RSU1: variants seen among roughly 807,000 people sequenced by gnomAD.
The protein encoded by RSU1 is Ras suppressor protein 1.
In RSU1, 26 loss-of-function variants were observed where a neutral mutation model predicts 31.1. That is an observed-to-expected ratio of 0.84 (90% CI 0.61 to 1.16). The LOEUF (loss-of-function observed/expected upper bound fraction) is 1.16. RSU1 is among the 50% of genes most tolerant of loss of function. RSU1 has a pLI of 0.00. For missense variants in RSU1, 320 were observed against 339.1 expected, an observed-to-expected ratio of 0.94 and a Z score of 0.44; for synonymous variants, 164 against 136.3, an observed-to-expected ratio of 1.20 and a Z score of -1.41.
At chr10:16,732,934 G>C (rs1412901244) in intron 7 of RSU1, among the ~76,000 whole-genome samples, 2 of 152,136 alleles carry the variant, frequency 1.3e-5, no homozygotes, top group Non-Finnish European at 2.9e-5. Context: ...AGCATGGATG[G>C]AGTTTGATAA....
At chr10:16,790,413 C>T (rs1044824125) in intron 2 of RSU1, among the ~76,000 whole-genome samples, 4 of 152,134 alleles carry the variant, frequency 2.6e-5, no homozygotes, top group Middle Eastern at 3.2e-3. Flanking sequence ...CCACCTAACA[C>T]GCTAGGTATA....
At chr10:16,733,631 G>C (rs184541583) in intron 7 of RSU1, among the ~76,000 whole-genome samples, 3 of 152,088 alleles carry the variant, frequency 2.0e-5, no homozygotes, top group Admixed American at 2.0e-4. Flanking sequence ...AATAAATTAG[G>C]GTTCAAAGAA....
chr10:16,802,228 A>C (rs1430332035), intron 2 of RSU1, among the ~76,000 whole-genome samples: 1 of 151,960 alleles, frequency 6.6e-6, no homozygotes, highest in Non-Finnish European at 1.5e-5. Context: ...TACAAACAGA[A>C]ATGAAAGAAG....
intron 8 of RSU1, among the ~76,000 whole-genome samples, chr10:16,604,306 A>T (rs1348324154): frequency 6.6e-6 from 1 of 152,206 alleles, no homozygotes; most frequent in Non-Finnish European, 1.5e-5. Context: ...CCTCGACTAT[A>T]AGCAGACCAG....
At chr10:16,629,233 A>G (rs888102818) in intron 8 of RSU1, among the ~76,000 whole-genome samples, 3 of 152,126 alleles carry the variant, frequency 2.0e-5, no homozygotes, top group African/African-American at 7.2e-5. Context: ...ATTTCTGACA[A>G]GTTACCAGGT....
intron 7 of RSU1, among the ~76,000 whole-genome samples, chr10:16,733,791 A>T (rs997766400): frequency 3.3e-5 from 5 of 152,236 alleles, no homozygotes; most frequent in African/African-American, 4.8e-5. Context: ...GAACAAGCTG[A>T]ATCTTTTGGT....
At chr10:16,693,913 G>C (rs963295480) in intron 8 of RSU1, among the ~76,000 whole-genome samples, 5 of 152,018 alleles carry the variant, frequency 3.3e-5, no homozygotes, top group Admixed American at 6.6e-5. Flanking sequence ...GTTGATGTCA[G>C]ACACAAAAAC....
chr10:16,705,571 C>T (rs1462306987), intron 7 of RSU1, among the ~76,000 whole-genome samples: 1 of 152,140 alleles, frequency 6.6e-6, no homozygotes. Context: ...CTCACTGCAA[C>T]ATCTGCTTCC....
intron 7 of RSU1, among the ~76,000 whole-genome samples, chr10:16,733,714 G>A (rs114031420): frequency 1.4e-3 from 218 of 152,220 alleles, no homozygotes; most frequent in African/African-American, 4.5e-3. Context: ...AGTAAAAAAC[G>A]TATATATACT....
At chr10:16,741,925 T>A (rs977959662) in intron 7 of RSU1, among the ~76,000 whole-genome samples, 2 of 152,150 alleles carry the variant, frequency 1.3e-5, no homozygotes, top group African/African-American at 4.8e-5. Flanking sequence ...ATTTTCTTCA[T>A]GAAGGTAAGG....
At chr10:16,727,600 T>C (rs1271176554) in intron 7 of RSU1, among the ~76,000 whole-genome samples, 5 of 152,110 alleles carry the variant, frequency 3.3e-5, no homozygotes, top group African/African-American at 1.2e-4. Flanking sequence ...TCTGGGAAAC[T>C]CTTAGGGAGA....
chr10:16,634,599 TTC>T (rs1323269006), intron 8 of RSU1, among the ~76,000 whole-genome samples: 1 of 152,252 alleles, frequency 6.6e-6, no homozygotes, highest in East Asian at 1.9e-4. Flanking sequence ...TCTAGATTTT[TTC>T]TTACTGTGTC....
intron 7 of RSU1, among the ~76,000 whole-genome samples, chr10:16,725,308 T>G (rs772489385): frequency 6.6e-6 from 1 of 152,018 alleles, no homozygotes; most frequent in Non-Finnish European, 1.5e-5. Context: ...AGTATCACAT[T>G]AAGGAAATTC....
chr10:16,812,133 G>A (rs1011762808), intron 2 of RSU1, among the ~76,000 whole-genome samples: 2 of 152,232 alleles, frequency 1.3e-5, no homozygotes, highest in African/African-American at 4.8e-5. Flanking sequence ...ACACAACCTA[G>A]AGGAGTGAAA....
intron 7 of RSU1, among the ~76,000 whole-genome samples, chr10:16,740,595 CAAT>C (rs1333440532): frequency 6.6e-6 from 1 of 152,124 alleles, no homozygotes; most frequent in African/African-American, 2.4e-5. Flanking sequence ...CACTAAAAAA[CAAT>C]GAGAATAACT....
In RSU1 at chr10:16,591,877, G is replaced by C. The variant is rs904804561; in HGVS notation, c.*1517C>G. On this transcript the variant is annotated 3_prime_UTR_variant, in exon 9 of 9. Coordinates refer to ENST00000345264, the MANE Select transcript of RSU1 (RefSeq NM_012425.4). ...AAAAATTCAGGCAGAGGCATACATG[G>C]CACCTATAAAAATGATATCAACTCT... 1.3e-5 allele frequency: 2 copies of C among 152,122 alleles called. No individual in the cohort carries two copies. The highest frequency in any genetic ancestry group is 4.8e-5 in the African/African-American group (2 of 41,416). The allele number at this position is 152,122 out of a possible 1,614,324, so 9.4% of individuals were successfully genotyped here.
chr10:16,614,801 G>A (rs778917842), intron 8 of RSU1, among the ~76,000 whole-genome samples: 7 of 152,244 alleles, frequency 4.6e-5, no homozygotes, highest in Middle Eastern at 3.4e-3. Context: ...CAGAGCCACC[G>A]AGGCAAGAAT....
chr10:16,769,580 C>T (rs576537588), intron 3 of RSU1, among the ~76,000 whole-genome samples: 4 of 152,266 alleles, frequency 2.6e-5, no homozygotes, highest in African/African-American at 7.2e-5. Context: ...AGGGGTATCC[C>T]GGAGTTTCTG....
intron 7 of RSU1, among the ~76,000 whole-genome samples, chr10:16,745,947 A>C (rs1026404870): frequency 7.2e-5 from 11 of 152,234 alleles, no homozygotes; most frequent in African/African-American, 2.7e-4. Flanking sequence ...CAGGGACTTA[A>C]TTGACCAAAC....
Sources: gnomAD v4.1 joint callset for allele counts (sites outside exome capture counted in the v4.1 genomes callset) on GRCh38, gnomAD v4.1.1 for gene constraint, MANE v1.5 for transcripts, NCBI Gene and HGNC (gene_info 2026-07-23, HGNC 2026-07-21) for gene names.